The following AMDHD2 variants were observed in gnomAD, a reference collection of about 807,000 sequenced individuals.
AMDHD2 encodes the protein amidohydrolase domain containing 2.
A neutral mutation model predicts 41.8 loss-of-function variants in AMDHD2; 24 were observed. The observed-to-expected ratio is 0.57, with a 90% CI of 0.42 to 0.81. The LOEUF is 0.81. Ranked by LOEUF, AMDHD2 falls within the 30% of genes least tolerant of loss-of-function variation. AMDHD2 has a pLI of 0.00. For synonymous variants in AMDHD2, 332 were observed against 255.5 expected, an observed-to-expected ratio of 1.30 and a Z score of -2.85; for missense variants, 540 against 588.5, an observed-to-expected ratio of 0.92 and a Z score of 0.85.
chr16:2,523,692 T>C (rs1009735879), intron 3 of AMDHD2, among the ~76,000 whole-genome samples: 1 of 152,152 alleles, frequency 6.6e-6, no homozygotes, highest in African/African-American at 2.4e-5. Flanking sequence ...ACAGCTGCTC[T>C]CTGGGGCTCT....
chr16:2,529,893 G>A lies in AMDHD2; in HGVS notation c.*330G>A, dbSNP rs970585772. On this transcript the variant is annotated 3_prime_UTR_variant, in exon 11 of 11. Coordinates refer to ENST00000293971, the MANE Select transcript of AMDHD2 (RefSeq NM_001330449.2). ...AGGGCCTGTCTGCATGAAGTGGACC[G>A]GAGACCTGCAGACCCCAGGAAAGTG... 1.3e-5 allele frequency: 15 copies of A among 1,148,838 alleles called. No individual in the cohort carries two copies. In the African/African-American group the frequency reaches 1.6e-4, roughly 12 times the overall value. The allele number at this position is 1,148,838 out of a possible 1,614,324, so 71.2% of individuals were successfully genotyped here. A position where few individuals can be genotyped will look rare whatever the true frequency, so the allele number is the denominator to read the frequency against.
Position 2,531,069 on chromosome 16 carries a change from C to G in AMDHD2, c.*1506C>G, listed in dbSNP as rs1156352912. 1 of 1,587,004 alleles carries G rather than the reference C, an allele frequency of 6.3e-7. No homozygotes were observed. On this transcript the variant is annotated 3_prime_UTR_variant, in exon 11 of 11. Coordinates refer to ENST00000293971, the MANE Select transcript of AMDHD2 (RefSeq NM_001330449.2). ...TTGCTGGCTGTCAGTGCTTGATGTG[C>G]CCATCCTCAGCTAAAACCCAGAGCT...
rs2066093841 is a variant in AMDHD2 at position 2,531,327 on chromosome 16, G to C, written c.*1764G>C. ...CTGGGCCAGGGAGCTGCTGCAGGAT[G>C]ATTTTGAGGTGTGGGGGAAGCACTC... On this transcript the variant is annotated 3_prime_UTR_variant, in exon 11 of 11. Transcript: ENST00000293971. 1 of 537,006 alleles carries C rather than the reference G, an allele frequency of 1.9e-6. No homozygotes were observed. The highest frequency in any genetic ancestry group is 3.3e-5 in the Admixed American group (1 of 29,892). The allele number at this position is 537,006 out of a possible 1,614,324, so 33.3% of individuals were successfully genotyped here.
At chr16:2,526,369 C>T (rs558230316) in intron 3 of AMDHD2, among the ~76,000 whole-genome samples, 7 of 152,278 alleles carry the variant, frequency 4.6e-5, no homozygotes, top group East Asian at 1.9e-4. Flanking sequence ...ACACACATTT[C>T]GCAAGTTCCT....
chr16:2,522,309 T>G (rs544738255), intron 3 of AMDHD2, among the ~76,000 whole-genome samples: 1 of 152,288 alleles, frequency 6.6e-6, no homozygotes, highest in East Asian at 1.9e-4. Context: ...TCTGAACTCC[T>G]GGGCTCAAGA....
At chr16:2,526,633 G>A (rs2066007113) in intron 3 of AMDHD2, among the ~76,000 whole-genome samples, 1 of 149,564 alleles carries the variant, frequency 6.7e-6, no homozygotes, top group Admixed American at 6.6e-5. Flanking sequence ...CCCAGGTTTA[G>A]GGCTCTTAAA....
At chr16:2,523,382 G>A (rs2065966336) in intron 3 of AMDHD2, among the ~76,000 whole-genome samples, 1 of 152,100 alleles carries the variant, frequency 6.6e-6, no homozygotes, top group Admixed American at 6.6e-5. Context: ...GAACAATGGG[G>A]GTGGTGTGTG....
chr16:2,525,737 G>A (rs1015726669), intron 3 of AMDHD2, among the ~76,000 whole-genome samples: 1 of 152,078 alleles, frequency 6.6e-6, no homozygotes, highest in African/African-American at 2.4e-5. Flanking sequence ...GTAGAGATGC[G>A]GTTTCACCAC....
At position 2,530,452 on chromosome 16, in the gene AMDHD2, T is replaced by C; in HGVS notation, c.*889T>C. 2 of 1,614,094 alleles carry C rather than the reference T, an allele frequency of 1.2e-6. No individual in the cohort carries two copies. Among genetic ancestry groups the C allele is most frequent in the Non-Finnish European group, 1.7e-6 (2 of 1,179,998 alleles). On this transcript the variant is annotated 3_prime_UTR_variant, in exon 11 of 11. Coordinates refer to ENST00000293971, the MANE Select transcript of AMDHD2 (RefSeq NM_001330449.2). ...CGAGGCGGGTGGGCTTCTGGAGCCC[T>C]CTTGGCTCTGAGGACAGCCACAGTG... is the stretch of plus-strand genomic sequence containing the variant.
Position 2,530,618 on chromosome 16 carries a change from T to C in AMDHD2, c.*1055T>C. The C allele has an allele frequency of 6.2e-7, 1 of 1,614,208 alleles. No individual in the cohort carries two copies. Among genetic ancestry groups the C allele is most frequent in the Non-Finnish European group, 8.5e-7 (1 of 1,180,034 alleles). ...TGGGCACAGGAGGTACGCGCCTGGC[T>C]CTGCCACTGTTCTCTTCCCTCTGCT... On this transcript the variant is annotated 3_prime_UTR_variant, in exon 11 of 11. Transcript: ENST00000293971.
rs757327690 is a variant in AMDHD2, at chr16:2,528,984, C to T, written c.1040-10C>T. The T allele has an allele frequency of 2.9e-5, 45 of 1,567,672 alleles. No homozygotes were observed. Among genetic ancestry groups the T allele is most frequent in the Non-Finnish European group, 3.9e-5 (45 of 1,157,682 alleles). On this transcript the variant is annotated splice_polypyrimidine_tract_variant and intron_variant, in intron 9 of 10. Coordinates refer to ENST00000293971, the MANE Select transcript of AMDHD2 (RefSeq NM_001330449.2). ...TTGGGGACTGTCACCTAGCTGTGTC[C>T]CCCAAGCAGGCTGCAGCATGGAGTC...
In AMDHD2 at chr16:2,528,185, C is replaced by G. The variant is rs545511345; in HGVS notation, c.717+37C>G. 647 of 1,612,240 alleles carry G rather than the reference C, an allele frequency of 4.0e-4. 13 individuals carry two copies. The South Asian group carries it at 6.7e-3, about 17-fold the overall frequency. On this transcript the variant is annotated intron_variant, in intron 6 of 10. Coordinates refer to ENST00000293971, the MANE Select transcript of AMDHD2 (RefSeq NM_001330449.2). ...GGGGCCCCAGGGGCGGGGCTGGGGT[C>G]CCAGCAGCCCCTGCTGTCGCTCAGC...
rs768251878 is a variant in AMDHD2, at chr16:2,528,331, G to A, written c.813G>A (p.Thr271=). The change falls in exon 7 of 11, where the codon ACG becomes ACA. Residue 271 remains threonine, a synonymous_variant. Transcript: ENST00000293971. ...CIFYGMIADG[T]HTNPAALRIA... is the part of the protein sequence containing the mutation. ...TCTATGGGATGATTGCAGATGGCAC[G>A]CACACCAACCCCGCCGCCCTGCGGA... 4.1e-5 allele frequency: 66 copies of A among 1,612,668 alleles called. No individual in the cohort carries two copies. The highest frequency in any genetic ancestry group is 1.6e-4 in the Middle Eastern group (1 of 6,080).
rs1397152064 is a variant in AMDHD2, at chr16:2,530,261, A to G, written c.*698A>G. On this transcript the variant is annotated 3_prime_UTR_variant, in exon 11 of 11. Coordinates refer to ENST00000293971, the MANE Select transcript of AMDHD2 (RefSeq NM_001330449.2). ...TATCTCTTCACACATCCCCAGGCCC[A>G]GTGCTTGCCGGCTGTGGTGACCCTG... The G allele has an allele frequency of 6.2e-7, 1 of 1,610,650 alleles. No homozygotes were observed. Among genetic ancestry groups the G allele is most frequent in the African/African-American group, 1.3e-5 (1 of 74,886 alleles).
In AMDHD2 at chr16:2,529,620, G is replaced by C; in HGVS notation, c.*57G>C. ...CAGCGGGATGCCATCAGGGCCGGGT[G>C]GTTGGGGAGCTGGTCTCCAGGGAGT... is the stretch of plus-strand genomic sequence containing the variant. On this transcript the variant is annotated 3_prime_UTR_variant, in exon 11 of 11. Transcript: ENST00000293971. The C allele has an allele frequency of 6.3e-7, 1 of 1,598,422 alleles. No homozygotes were observed. The highest frequency in any genetic ancestry group is 8.5e-7 in the Non-Finnish European group (1 of 1,178,394).
rs768421024 is a variant in AMDHD2, at chr16:2,520,462, C to T, written c.4C>T (p.Arg2Cys). 111 of 1,237,030 alleles carry T rather than the reference C, an allele frequency of 9.0e-5. No individual in the cohort carries two copies. The highest frequency in any genetic ancestry group is 1.0e-4 in the Non-Finnish European group (101 of 983,594). The allele number at this position is 1,237,030 out of a possible 1,614,324, so 76.6% of individuals were successfully genotyped here. MRGEQGAAGARV... is the reference protein window; with the variant it reads MCGEQGAAGARV... ...CTCGCTCCCGACACGGCTCACGATG[C>T]GCGGCGAGCAGGGCGCGGCGGGGGC... is the stretch of plus-strand genomic sequence containing the variant. Residue 2 changes from arginine (R) to cysteine (C), a missense_variant, in exon 1 of 11, where the codon CGC becomes TGC. Transcript: ENST00000293971.
At position 2,531,135 on chromosome 16, in the gene AMDHD2, C is replaced by A. The variant is rs1483666291; in HGVS notation, c.*1572C>A. 6 of 1,521,256 alleles carry A rather than the reference C, an allele frequency of 3.9e-6. No homozygotes were observed. The highest frequency in any genetic ancestry group is 2.4e-4 in the Middle Eastern group (1 of 4,164). The allele number at this position is 1,521,256 out of a possible 1,614,324, so 94.2% of individuals were successfully genotyped here. A position where few individuals can be genotyped will look rare whatever the true frequency, so the allele number is the denominator to read the frequency against. ...CCCACCTCAGACGGGACGCCCAGTC[C>A]AGAGCTGGTGAGCCCTGGGCCAGCC... On this transcript the variant is annotated 3_prime_UTR_variant, in exon 11 of 11. Transcript: ENST00000293971.
In AMDHD2 at chr16:2,530,250, T is replaced by G. The variant is rs2066068865; in HGVS notation, c.*687T>G. On this transcript the variant is annotated 3_prime_UTR_variant, in exon 11 of 11. Transcript: ENST00000293971. The stretch of plus-strand genomic sequence containing the variant: ...CTCAATAACCCTATCTCTTCACACA[T>G]CCCCAGGCCCAGTGCTTGCCGGCTG... The G allele has an allele frequency of 6.2e-7, 1 of 1,605,756 alleles. No individual in the cohort carries two copies. Among genetic ancestry groups the G allele is most frequent in the Non-Finnish European group, 8.5e-7 (1 of 1,176,380 alleles).
intron 3 of AMDHD2, among the ~76,000 whole-genome samples, chr16:2,526,203 G>C (rs941070287): frequency 2.6e-5 from 4 of 152,166 alleles, no homozygotes; most frequent in African/African-American, 4.8e-5. Context: ...CAGCAGGCCA[G>C]CTGGGGGCAC....
Sources: allele counts gnomAD v4.1 joint callset (sites outside exome capture counted in the v4.1 genomes callset), GRCh38; gene constraint gnomAD v4.1.1; transcripts MANE v1.5; gene names NCBI Gene and HGNC (gene_info 2026-07-23, HGNC 2026-07-21).